COL14A1: variants seen among roughly 807,000 people sequenced by gnomAD.
COL14A1 encodes collagen alpha-1(XIV) chain.
A neutral mutation model predicts 230.3 loss-of-function variants in COL14A1; 136 were observed. That is an observed-to-expected ratio of 0.59 (90% CI 0.51 to 0.68). The LOEUF is 0.68. Among genes scored for constraint, COL14A1 ranks in the 30% least tolerant of loss-of-function variants. The probability of loss-of-function intolerance (pLI) is 0.00; values close to 1 mark genes in which losing one functional copy is unlikely to be tolerated. For missense variants in COL14A1, 1,976 were observed against 2,215.8 expected, an observed-to-expected ratio of 0.89 and a Z score of 2.17; for synonymous variants, 792 against 784.1, an observed-to-expected ratio of 1.01 and a Z score of -0.17.
At chr8:120,182,748 G>T (rs1239802232) in intron 5 of COL14A1, among the ~76,000 whole-genome samples, 4 of 87,014 alleles carry the variant, frequency 4.6e-5, no homozygotes, top group South Asian at 3.5e-4. Context: ...TTTTTTTGAG[G>T]TGGAGTCTCA....
At chr8:120,292,901 T>G (rs1489296964) in intron 34 of COL14A1, among the ~76,000 whole-genome samples, 1 of 152,044 alleles carries the variant, frequency 6.6e-6, no homozygotes, top group African/African-American at 2.4e-5. Context: ...CGATAGAAAT[T>G]ACGTTCTTAA....
At chr8:120,134,811 C>T (rs1196919631) in intron 1 of COL14A1, among the ~76,000 whole-genome samples, 2 of 152,070 alleles carry the variant, frequency 1.3e-5, no homozygotes, top group Non-Finnish European at 1.5e-5. Flanking sequence ...CCTGTCTCTA[C>T]TAAAAATACA....
chr8:120,164,651 G>C (rs1815804058), intron 4 of COL14A1, among the ~76,000 whole-genome samples: 1 of 152,162 alleles, frequency 6.6e-6, no homozygotes, highest in Non-Finnish European at 1.5e-5. Flanking sequence ...ACATACACAT[G>C]TTGTAAATGT....
chr8:120,355,201 G>A (rs189265118), intron 45 of COL14A1, among the ~76,000 whole-genome samples: 58 of 152,154 alleles, frequency 3.8e-4, no homozygotes, highest in African/African-American at 1.2e-3. Flanking sequence ...ATTACAGATC[G>A]TTTTCTTTTT....
intron 25 of COL14A1, among the ~76,000 whole-genome samples, chr8:120,268,706 T>G (rs1819571926): frequency 6.6e-6 from 1 of 151,690 alleles, no homozygotes; most frequent in Admixed American, 6.6e-5. Context: ...TAGAAAAAAC[T>G]TAAAAGAACA....
At chr8:120,210,015 G>GA (rs997839331) in intron 12 of COL14A1, 114 bp downstream of exon 12, 5,145 of 826,766 alleles carry the variant, frequency 6.2e-3, no homozygotes, top group East Asian at 7.6e-3. Context: ...TTAGCCAAAA[G>GA]AAAAAAAAAC....
At chr8:120,269,968 CT>C in intron 25 of COL14A1, 66 bp from the exon 26 acceptor site, 1 of 1,533,972 alleles carries the variant, frequency 6.5e-7, no homozygotes, top group Non-Finnish European at 8.9e-7. Flanking sequence ...CATTATTTGT[CT>C]TATTGGTTTA....
intron 33 of COL14A1, among the ~76,000 whole-genome samples, chr8:120,287,957 G>C (rs1030626177): frequency 1.3e-5 from 2 of 151,338 alleles, no homozygotes; most frequent in African/African-American, 2.4e-5. Context: ...TTATATAAAT[G>C]GGCACTTAAG....
At chr8:120,276,919 C>A (rs1399780986) in intron 26 of COL14A1, among the ~76,000 whole-genome samples, 4 of 151,894 alleles carry the variant, frequency 2.6e-5, no homozygotes, top group African/African-American at 9.7e-5. Context: ...GAAGCAAGTT[C>A]CCTTTGAATT....
chr8:120,324,154 TACA>T (rs1386985368), intron 40 of COL14A1, among the ~76,000 whole-genome samples: 1 of 151,600 alleles, frequency 6.6e-6, no homozygotes, highest in Non-Finnish European at 1.5e-5. Flanking sequence ...AAATAATCTG[TACA>T]ACAGACCCCT....
rs1812148489 is a variant in COL14A1, at chr8:120,371,336, C to T, written c.*105C>T. The T allele has an allele frequency of 3.0e-6, 2 of 657,796 alleles. No individual in the cohort carries two copies. The highest frequency in any genetic ancestry group is 5.1e-5 in the Admixed American group (2 of 38,976). The allele number at this position is 657,796 out of a possible 1,614,324, so 40.7% of individuals were successfully genotyped here. ...TATGCTACTTTTGGGGGGCAGGGCT[C>T]ATTTCAGCAGCCTAAATCTCCTCCT... is the stretch of plus-strand genomic sequence containing the variant. On this transcript the variant is annotated 3_prime_UTR_variant, in exon 48 of 48. Coordinates refer to ENST00000297848, the MANE Select transcript of COL14A1 (RefSeq NM_021110.4).
At chr8:120,149,884 G>A (rs2130478114) in intron 2 of COL14A1, among the ~76,000 whole-genome samples, 1 of 152,024 alleles carries the variant, frequency 6.6e-6, no homozygotes, top group African/African-American at 2.4e-5. Context: ...AGTAGAGAGG[G>A]GGTTTCACCA....
intron 14 of COL14A1, among the ~76,000 whole-genome samples, chr8:120,220,188 T>C (rs1016201969): frequency 1.3e-5 from 2 of 152,112 alleles, no homozygotes; most frequent in South Asian, 2.1e-4. Context: ...AATGCAACAA[T>C]TGGGTTTTTA....
chr8:120,288,638 C>T (rs1231410480), intron 33 of COL14A1, among the ~76,000 whole-genome samples: 2 of 152,088 alleles, frequency 1.3e-5, no homozygotes, highest in Non-Finnish European at 2.9e-5. Context: ...TTGGCTTTTA[C>T]TTAGGGCAAA....
chr8:120,131,829 T>C (rs1026192068), intron 1 of COL14A1, among the ~76,000 whole-genome samples: 1 of 148,296 alleles, frequency 6.7e-6, no homozygotes, highest in African/African-American at 2.5e-5. Context: ...CTTCCTTTTT[T>C]CTTCCTTTCT....
chr8:120,203,647 C>T (rs573599897), intron 8 of COL14A1, 62 bp from the exon 9 acceptor site: 29 of 1,546,170 alleles, frequency 1.9e-5, no homozygotes, highest in East Asian at 9.0e-5. Flanking sequence ...TCAGGCCCAC[C>T]GCAGTCACTC....
chr8:120,309,777 A>G lies in COL14A1; in HGVS notation c.4402-232A>G, dbSNP rs118172701. 7.1e-3 allele frequency among the ~76,000 whole-genome samples: 1,078 copies of G among 152,288 alleles called. 7 individuals are homozygous for G. Among genetic ancestry groups the G allele is most frequent in the Middle Eastern group, 0.014 (4 of 294 alleles). ...GTAAATAAAATCTTACCATTTTTCA[A>G]TATTTAAAAAGAATTTGGCAAAGAA... On this transcript the variant is annotated intron_variant, in intron 36 of 47. Transcript: ENST00000297848.
chr8:120,272,696 CAAAG>C (rs1204181522), intron 26 of COL14A1, among the ~76,000 whole-genome samples: 2 of 151,502 alleles, frequency 1.3e-5, no homozygotes, highest in South Asian at 2.1e-4. Flanking sequence ...AAAAAAAAGA[CAAAG>C]AAAGTCATTA....
rs192482950 is a variant in COL14A1 at position 120,372,450 on chromosome 8, A to G, written c.*1219A>G. Among the ~76,000 whole-genome samples the G allele has an allele frequency of 1.6e-3, 241 of 152,334 alleles. No homozygotes were observed. The highest frequency in any genetic ancestry group is 2.9e-3 in the Non-Finnish European group (200 of 68,026). The stretch of plus-strand genomic sequence containing the variant: ...AAACCATACTTTGTCTTTTGCTCAC[A>G]AAGGAAAAATCTAGGTATTTGAGAA... On this transcript the variant is annotated 3_prime_UTR_variant, in exon 48 of 48. Transcript: ENST00000297848.
Sources: gnomAD v4.1 joint callset for allele counts (sites outside exome capture counted in the v4.1 genomes callset) on GRCh38, gnomAD v4.1.1 for gene constraint, MANE v1.5 for transcripts, NCBI Gene and HGNC (gene_info 2026-07-23, HGNC 2026-07-21) for gene names.